Variants in MDFI observed in about 807,000 individuals in gnomAD.
MDFI encodes the protein MyoD family inhibitor.
In MDFI, 16 loss-of-function variants were observed where a neutral mutation model predicts 22.3. The ratio of observed to expected loss-of-function variants is 0.72; its 90% CI spans 0.49 to 1.09. The LOEUF (loss-of-function observed/expected upper bound fraction) is 1.09, where lower values mean the gene tolerates loss of function less well. Ranked by LOEUF, MDFI falls within the 50% of genes least tolerant of loss-of-function variation. MDFI has a pLI of 0.00. For synonymous variants in MDFI, 145 were observed against 142.7 expected (o/e 1.02, Z -0.12); for missense variants, 314 against 326.1 (o/e 0.96, Z 0.29).
rs374281068 is a variant in MDFI at position 41,653,367 on chromosome 6, C to T, written c.533C>T (p.Thr178Met). ...ILSCLFCEFLTLCNIVLDCAT... is the reference protein window; with the variant it reads ...ILSCLFCEFLMLCNIVLDCAT... ...TCCTGCCTGTTCTGCGAGTTCCTGA[C>T]GCTGTGCAACATCGTCCTGGACTGC... Residue 178 changes from threonine to methionine, a missense_variant, in exon 5 of 5, where the codon ACG (threonine) becomes ATG (methionine). Coordinates refer to ENST00000230321, the MANE Select transcript of MDFI (RefSeq NM_005586.4). This position sits in a 1 kb window ranked among gnomAD's most constrained non-coding sequence, Gnocchi z 4.2. The T allele has an allele frequency of 6.2e-5, 100 of 1,612,394 alleles. No individual in the cohort carries two copies. The highest frequency in any genetic ancestry group is 4.2e-5 in the Non-Finnish European group (50 of 1,180,026).
chr6:41,639,469 G>T, intron 2 of MDFI: 1 of 985,412 alleles, frequency 1.0e-6, no homozygotes, highest in South Asian at 4.7e-5. Context: ...ACCTACCCGC[G>T]ATTCCTGGGG....
In MDFI at chr6:41,653,740, G is replaced by A; in HGVS notation, c.*165G>A. 2.2e-6 allele frequency: 2 copies of A among 897,700 alleles called. No homozygotes were observed. Among genetic ancestry groups the A allele is most frequent in the Middle Eastern group, 3.5e-4 (1 of 2,858 alleles). 55.6% of individuals were successfully genotyped at this position (897,700 alleles called of 1,614,324 possible). ...TCAGAACCCCAGCCTTGAAAATAGT[G>A]GGGGGCACTCAGAGGGGCCACCTCC... On this transcript the variant is annotated 3_prime_UTR_variant, in exon 5 of 5. Transcript: ENST00000230321. This position sits in a 1 kb window ranked among gnomAD's most constrained non-coding sequence, Gnocchi z 4.2.
At chr6:41,641,993 C>T (rs754626128) in intron 2 of MDFI, among the ~76,000 whole-genome samples, 9 of 152,128 alleles carry the variant, frequency 5.9e-5, no homozygotes, top group Non-Finnish European at 1.2e-4. Context: ...CCATCTGGGG[C>T]GTCTTTCCAG....
chr6:41,646,947 G>A (rs1181329679), intron 3 of MDFI, among the ~76,000 whole-genome samples: 1 of 152,202 alleles, frequency 6.6e-6, no homozygotes, highest in Non-Finnish European at 1.5e-5. Flanking sequence ...CTACTGCGAA[G>A]CCCATTTTAG....
chr6:41,653,437 C>A lies in MDFI; in HGVS notation c.603C>A (p.Cys201Ter). 1 of 1,607,108 alleles carries A rather than the reference C, an allele frequency of 6.2e-7. No individual in the cohort carries two copies. The highest frequency in any genetic ancestry group is 1.1e-5 in the South Asian group (1 of 91,086). Reference sequence around the variant, plus strand: ...GCTCGGAGGACTCGTGCCTCTGCTGCTGCTGCTGTGGCTCTGGCGAGTGTG... The same window carrying A: ...GCTCGGAGGACTCGTGCCTCTGCTGATGCTGCTGTGGCTCTGGCGAGTGTG... ...SCSSEDSCLC[C>*]CCCGSGECAD... Residue 201 changes from cysteine (C) to a stop codon, truncating the protein, a stop_gained, in exon 5 of 5, where the codon TGC becomes TGA. Transcript: ENST00000230321. LOFTEE classifies it high-confidence loss of function. This position sits in a 1 kb window ranked among gnomAD's most constrained non-coding sequence, Gnocchi z 4.2.
chr6:41,652,139 A>C (rs9394819), intron 4 of MDFI, among the ~76,000 whole-genome samples: 57,789 of 152,024 alleles, frequency 0.38, 11,809 homozygotes, highest in Admixed American at 0.55. Flanking sequence ...GCGGTATTGA[A>C]GCGGGTGGTG....
At position 41,653,497 on chromosome 6, in the gene MDFI, C is replaced by A; in HGVS notation, c.663C>A (p.Gly221=). Residue 221 remains glycine, a synonymous_variant, in exon 5 of 5, where the codon GGC becomes GGA. Transcript: ENST00000230321. The surrounding 1 kb of genome is among the most constrained non-coding windows in gnomAD (Gnocchi z 4.2). ...ACCTGCCCTGCGACCTGGACTGCGG[C>A]ATCCTGGATGCCTGCTGCGAGTCCG... The part of the protein sequence containing the change: ...DCDLPCDLDC[G]ILDACCESAD... The A allele has an allele frequency of 6.2e-7, 1 of 1,602,950 alleles. No homozygotes were observed. The highest frequency in any genetic ancestry group is 1.1e-5 in the South Asian group (1 of 91,086).
At chr6:41,646,732 G>T (rs1193935755) in intron 3 of MDFI, among the ~76,000 whole-genome samples, 1 of 152,190 alleles carries the variant, frequency 6.6e-6, no homozygotes, top group Non-Finnish European at 1.5e-5. Flanking sequence ...TCCCAGGCCT[G>T]GCTCGAGTTC....
chr6:41,645,562 A>G (rs1768018073), intron 2 of MDFI, among the ~76,000 whole-genome samples: 1 of 151,488 alleles, frequency 6.6e-6, no homozygotes, highest in Admixed American at 6.6e-5. Flanking sequence ...ACACAGTGCT[A>G]CCTTCTCTGT....
intron 4 of MDFI, among the ~76,000 whole-genome samples, chr6:41,651,848 A>C (rs1768281681): frequency 6.6e-6 from 1 of 152,206 alleles, no homozygotes; most frequent in Non-Finnish European, 1.5e-5. Flanking sequence ...TTCAAGTCCC[A>C]GCTCCACCAC....
chr6:41,644,466 A>G (rs888901408), intron 2 of MDFI, among the ~76,000 whole-genome samples: 1 of 152,006 alleles, frequency 6.6e-6, no homozygotes, highest in Non-Finnish European at 1.5e-5. Context: ...TGCTTCCCAC[A>G]TGGGGCCTCT....
intron 3 of MDFI, among the ~76,000 whole-genome samples, chr6:41,648,856 A>G (rs1245069647): frequency 6.6e-6 from 1 of 152,178 alleles, no homozygotes; most frequent in Non-Finnish European, 1.5e-5. Context: ...CTCCAGGGTC[A>G]CCTTGCCTGT....
chr6:41,641,132 T>G (rs1393975334), intron 2 of MDFI, among the ~76,000 whole-genome samples: 1 of 152,168 alleles, frequency 6.6e-6, no homozygotes, highest in Non-Finnish European at 1.5e-5. Flanking sequence ...CTTCATTTCT[T>G]TCTCTTTCTC....
Position 41,649,653 on chromosome 6 carries a change from A to G in MDFI, c.294A>G (p.Pro98=). 1 of 1,611,918 alleles carries G rather than the reference A, an allele frequency of 6.2e-7. No individual in the cohort carries two copies. The stretch of plus-strand genomic sequence containing the variant: ...AGGGGAACCCCTTGGGCTGCACCCC[A>G]CTTCTGCCGAATGACTCTGGCCACC... ...QPQGNPLGCT[P]LLPNDSGHPS... is the part of the protein sequence containing the mutation. Residue 98 remains proline, a synonymous_variant, in exon 4 of 5, where the codon CCA becomes CCG. Transcript: ENST00000230321.
chr6:41,637,275 TA>T (rs997382068), upstream of MDFI: 1 of 151,816 alleles, frequency 6.6e-6, no homozygotes, highest in African/African-American at 2.4e-5. The surrounding 1 kb of genome is among the most constrained non-coding windows in gnomAD (Gnocchi z 6.8). Flanking sequence ...GCGATAGCCG[TA>T]AGTAGCGACT....
intron 4 of MDFI, among the ~76,000 whole-genome samples, chr6:41,650,349 G>A (rs997049151): frequency 6.6e-6 from 1 of 152,206 alleles, no homozygotes; most frequent in African/African-American, 2.4e-5. Context: ...AAGATCCTCT[G>A]CAGGGCCACA....
At chr6:41,649,965 C>T in intron 4 of MDFI, 122 bp downstream of exon 4, 1 of 831,180 alleles carries the variant, frequency 1.2e-6, no homozygotes. Context: ...GGATCTCAGC[C>T]TCCTTCCACG....
intron 2 of MDFI, among the ~76,000 whole-genome samples, chr6:41,644,902 C>A (rs1197379439): frequency 6.6e-6 from 1 of 151,912 alleles, no homozygotes; most frequent in African/African-American, 2.4e-5. Flanking sequence ...TCATCATCTC[C>A]CTGTCTGCCC....
chr6:41,638,512 A>T lies in MDFI; in HGVS notation c.-152A>T. The T allele has an allele frequency of 1.9e-6, 1 of 528,668 alleles. No homozygotes were observed. 32.7% of individuals were successfully genotyped at this position (528,668 alleles called of 1,614,324 possible). ...CGTGAGCTGGCGCCGAAATGGGAGAAAGCAGCGAGTGAGAGGGGAAGGGGC... is the reference window on the plus strand; with the variant it reads ...CGTGAGCTGGCGCCGAAATGGGAGATAGCAGCGAGTGAGAGGGGAAGGGGC... On this transcript the variant is annotated 5_prime_UTR_variant, in exon 1 of 5. Transcript: ENST00000230321. The surrounding 1 kb of genome is among the most constrained non-coding windows in gnomAD (Gnocchi z 7.6).
Sources: gnomAD v4.1 joint callset for allele counts (sites outside exome capture counted in the v4.1 genomes callset) on GRCh38, gnomAD v4.1.1 for gene constraint, Gnocchi (gnomAD v3.1) non-coding constraint, MANE v1.5 for transcripts, NCBI Gene and HGNC (gene_info 2026-07-23, HGNC 2026-07-21) for gene names.